OGDH: variants seen among roughly 807,000 people sequenced by gnomAD.
The protein encoded by OGDH is 2-oxoglutarate dehydrogenase complex component E1.
OGDH carries 38 observed loss-of-function variants against 116.6 expected under a neutral mutation model. The observed-to-expected ratio is 0.33, with a 90% CI of 0.25 to 0.43. OGDH has a LOEUF of 0.43. Among genes scored for constraint, OGDH ranks in the 20% least tolerant of loss-of-function variants. The probability of loss-of-function intolerance (pLI) is 1.00; values close to 1 mark genes in which losing one functional copy is unlikely to be tolerated. For synonymous variants in OGDH, 488 were observed against 533.3 expected (o/e 0.92, Z 1.17); for missense variants, 825 against 1,357.2 (o/e 0.61, Z 6.16).
intron 2 of OGDH, among the ~76,000 whole-genome samples, chr7:44,639,237 A>G (rs1207221210): frequency 6.6e-6 from 1 of 152,144 alleles, no homozygotes; most frequent in East Asian, 1.9e-4. Context: ...AAGGAGCTGG[A>G]GAAGAGGTAT....
At position 44,624,789 on chromosome 7, in the gene OGDH, G is replaced by C. The variant is rs368616901; in HGVS notation, c.222+224G>C. On this transcript the variant is annotated intron_variant, in intron 2 of 22. Transcript: ENST00000222673. ...ACACTGTGCTTAACTCTGCGAGGAT[G>C]TGAAGAAGCATGTGTGTGACCCTCC... Among the ~76,000 whole-genome samples the C allele has an allele frequency of 2.4e-4, 36 of 152,292 alleles. No homozygotes were observed. In the South Asian group the frequency reaches 6.6e-3, roughly 28 times the overall value.
At chr7:44,657,696 C>T (rs1008159657) in intron 4 of OGDH, among the ~76,000 whole-genome samples, 2 of 152,140 alleles carry the variant, frequency 1.3e-5, no homozygotes, top group African/African-American at 4.8e-5. Context: ...AGTCTAAGAA[C>T]TCTTTCCTTA....
rs1223928842 is a variant in OGDH, at chr7:44,697,875, C to G, written c.2358+93C>G. The G allele has an allele frequency of 1.4e-6, 2 of 1,409,938 alleles. No individual in the cohort carries two copies. The highest frequency in any genetic ancestry group is 1.4e-5 in the African/African-American group (1 of 69,722). The allele number at this position is 1,409,938 out of a possible 1,614,324, so 87.3% of individuals were successfully genotyped here. ...AAGACTGGCACGAGAGCCAGTGGCT[C>G]ACACCAGCCTCCTAAGGACTCTGCT... On this transcript the variant is annotated intron_variant, in intron 17 of 22. Coordinates refer to ENST00000222673, the MANE Select transcript of OGDH (RefSeq NM_002541.4). This position sits in a 1 kb window ranked among gnomAD's most constrained non-coding sequence, Gnocchi z 6.0.
chr7:44,608,643 C>T (rs1349484687), intron 1 of OGDH, among the ~76,000 whole-genome samples: 2 of 151,914 alleles, frequency 1.3e-5, no homozygotes, highest in East Asian at 1.9e-4. Flanking sequence ...ATCGCTTGAA[C>T]GCAGGAGGCA....
intron 10 of OGDH, among the ~76,000 whole-genome samples, chr7:44,689,857 C>T (rs947759376): frequency 6.6e-6 from 1 of 152,058 alleles, no homozygotes; most frequent in African/African-American, 2.4e-5. Context: ...CTTGGAAGCA[C>T]AAAAGTTTTA....
chr7:44,690,233 C>G (rs547636848), intron 10 of OGDH, among the ~76,000 whole-genome samples: 13 of 152,316 alleles, frequency 8.5e-5, no homozygotes, highest in African/African-American at 2.9e-4. Context: ...GGGGAACCAG[C>G]TCCTCCAGAA....
intron 1 of OGDH, among the ~76,000 whole-genome samples, chr7:44,610,235 T>A (rs1461230278): frequency 1.3e-5 from 2 of 152,216 alleles, no homozygotes; most frequent in Non-Finnish European, 2.9e-5. Context: ...TACCACTGCT[T>A]TGTTGGATAT....
At position 44,693,929 on chromosome 7, in the gene OGDH, C is replaced by T. The variant is rs769704074; in HGVS notation, c.1440C>T (p.Pro480=). 16 of 1,613,988 alleles carry T rather than the reference C, an allele frequency of 9.9e-6. No homozygotes were observed. In the East Asian group the frequency reaches 1.8e-4, roughly 18 times the overall value. The change falls in exon 11 of 23, where the codon CCC becomes CCT. Residue 480 remains proline (P), a synonymous_variant. Coordinates refer to ENST00000222673, the MANE Select transcript of OGDH (RefSeq NM_002541.4). ...APIFHVNSDD[P]EAVMYVCKVA... ...TTTTCCACGTGAACTCAGATGACCC[C>T]GAGGCTGTCATGTACGTGTGCAAAG...
At chr7:44,664,171 A>G (rs1244167668) in intron 4 of OGDH, among the ~76,000 whole-genome samples, 1 of 152,052 alleles carries the variant, frequency 6.6e-6, no homozygotes, top group African/African-American at 2.4e-5. Flanking sequence ...TTTTGTAGAC[A>G]CTGTTCCCCA....
At chr7:44,635,261 TC>T (rs1381335948) in intron 2 of OGDH, among the ~76,000 whole-genome samples, 5 of 152,184 alleles carry the variant, frequency 3.3e-5, no homozygotes, top group African/African-American at 1.2e-4. Context: ...ACGCCGGTGT[TC>T]CTTGGTTACA....
chr7:44,674,305 A>C, intron 6 of OGDH, 106 bp from the exon 7 acceptor site: 1 of 1,418,782 alleles, frequency 7.0e-7, no homozygotes, highest in Non-Finnish European at 9.8e-7. Context: ...TCGGCCTCCC[A>C]AGGTGCTGGG....
At chr7:44,625,401 A>G (rs1009128343) in intron 2 of OGDH, among the ~76,000 whole-genome samples, 5 of 152,218 alleles carry the variant, frequency 3.3e-5, no homozygotes, top group Admixed American at 1.3e-4. Context: ...CTGGGATTAC[A>G]GGTATGATCA....
intron 4 of OGDH, among the ~76,000 whole-genome samples, chr7:44,650,154 C>T (rs1031705640): frequency 3.3e-5 from 5 of 152,164 alleles, no homozygotes; most frequent in African/African-American, 9.7e-5. Flanking sequence ...CACTAGTCTT[C>T]AGGTACAAAA....
chr7:44,632,740 T>C (rs1785496976), intron 2 of OGDH, among the ~76,000 whole-genome samples: 1 of 152,020 alleles, frequency 6.6e-6, no homozygotes, highest in Non-Finnish European at 1.5e-5. Flanking sequence ...TGCCTCAGGC[T>C]CCCAAGTAGC....
At chr7:44,611,437 T>A (rs893253693) in intron 1 of OGDH, among the ~76,000 whole-genome samples, 1 of 148,728 alleles carries the variant, frequency 6.7e-6, no homozygotes, top group African/African-American at 2.4e-5. Flanking sequence ...CCCGGCTAAT[T>A]TTTTTTTTTT....
chr7:44,685,619 T>TC (rs1252000013), intron 10 of OGDH, among the ~76,000 whole-genome samples: 1 of 152,092 alleles, frequency 6.6e-6, no homozygotes. Context: ...CACCCTGCTT[T>TC]CTTTTTTTTT....
At chr7:44,702,737 C>T (rs572645524) in intron 20 of OGDH, among the ~76,000 whole-genome samples, 39 of 152,074 alleles carry the variant, frequency 2.6e-4, no homozygotes, top group Non-Finnish European at 5.0e-4. Context: ...GGACTGCAGG[C>T]GCCCGCCACC....
rs1188810271 is a variant in OGDH at position 44,693,965 on chromosome 7, G to A, written c.1476G>A (p.Glu492=). ...AVMYVCKVAA[E]WRSTFHKDVV... Reference sequence around the variant, plus strand: ...TGTACGTGTGCAAAGTGGCGGCCGAGTGGAGGAGCACCTTCCACAAGGACG... The same window carrying A: ...TGTACGTGTGCAAAGTGGCGGCCGAATGGAGGAGCACCTTCCACAAGGACG... Residue 492 remains glutamate (E), a synonymous_variant, in exon 11 of 23, where the codon GAG becomes GAA. Transcript: ENST00000222673. 1.2e-6 allele frequency: 2 copies of A among 1,613,938 alleles called. No individual in the cohort carries two copies. The highest frequency in any genetic ancestry group is 1.7e-5 in the Admixed American group (1 of 60,004).
intron 2 of OGDH, among the ~76,000 whole-genome samples, chr7:44,624,849 G>A (rs1234674401): frequency 6.8e-6 from 1 of 146,840 alleles, no homozygotes; most frequent in East Asian, 2.4e-4. Context: ...GGATGAAGCC[G>A]CTGAAGAAAG....
Sources: gnomAD v4.1 joint callset for allele counts (sites outside exome capture counted in the v4.1 genomes callset) on GRCh38, gnomAD v4.1.1 for gene constraint, Gnocchi (gnomAD v3.1) non-coding constraint, MANE v1.5 for transcripts, NCBI Gene and HGNC (gene_info 2026-07-23, HGNC 2026-07-21) for gene names.